The following GNA15 variants were observed in gnomAD, a reference collection of about 807,000 sequenced individuals.
GNA15 encodes guanine nucleotide-binding protein subunit alpha-15.
Under a neutral mutation model 40.1 loss-of-function variants are expected in GNA15, and 23 were observed. The ratio of observed to expected loss-of-function variants is 0.57; its 90% CI spans 0.41 to 0.81. GNA15 has a LOEUF of 0.81. Ranked by LOEUF, GNA15 falls within the 40% of genes least tolerant of loss-of-function variation. GNA15 has a pLI of 0.00. For missense variants in GNA15, 522 were observed against 515.8 expected (o/e 1.01, Z -0.12); for synonymous variants, 226 against 210.4 (o/e 1.07, Z -0.64).
chr19:3,146,123 G>C (rs1338226724), intron 1 of GNA15, among the ~76,000 whole-genome samples: 1 of 152,082 alleles, frequency 6.6e-6, no homozygotes, highest in African/African-American at 2.4e-5. Flanking sequence ...GCTGCCGCTT[G>C]CTCGATCAAG....
rs1315852699 is a variant in GNA15, at chr19:3,148,722, A to G, written c.277A>G (p.Met93Val). Residue 93 changes from methionine to valine, a missense_variant, in exon 2 of 7, where the codon ATG becomes GTG. Transcript: ENST00000262958. Reference sequence around the variant, plus strand: ...GAACATCTTCGTGTCCATGCGGGCCATGATCGAGGCCATGGAGCGGCTGCA... The same window carrying G: ...GAACATCTTCGTGTCCATGCGGGCCGTGATCGAGGCCATGGAGCGGCTGCA... ...YQNIFVSMRAMIEAMERLQIP... is the reference protein window; with the variant it reads ...YQNIFVSMRAVIEAMERLQIP... 6.2e-7 allele frequency: 1 copy of G among 1,604,076 alleles called. No homozygotes were observed. The highest frequency in any genetic ancestry group is 1.3e-5 in the African/African-American group (1 of 74,886).
intron 1 of GNA15, among the ~76,000 whole-genome samples, chr19:3,138,232 C>T (rs1914495610): frequency 1.3e-5 from 2 of 152,276 alleles, no homozygotes; most frequent in South Asian, 4.1e-4. Flanking sequence ...CACTATTGCA[C>T]CCCAGCCTGG....
At position 3,148,647 on chromosome 19, in the gene GNA15, G is replaced by A. The variant is rs148867971; in HGVS notation, c.202G>A (p.Ala68Thr). The change falls in exon 2 of 7, where the codon GCC becomes ACC. Residue 68 changes from alanine to threonine, a missense_variant. By Grantham distance (58) the Ala-to-Thr change is moderately conservative. Coordinates refer to ENST00000262958, the MANE Select transcript of GNA15 (RefSeq NM_002068.4). ...FIKQMRIIHG[A>T]GYSEEERKGF... Reference sequence around the variant, plus strand: ...CAAGCAGATGCGGATCATCCACGGCGCCGGCTACTCGGAGGAGGAGCGCAA... The same window carrying A: ...CAAGCAGATGCGGATCATCCACGGCACCGGCTACTCGGAGGAGGAGCGCAA... 2.5e-4 allele frequency: 404 copies of A among 1,589,146 alleles called. No homozygotes were observed. The highest frequency in any genetic ancestry group is 3.0e-4 in the Non-Finnish European group (349 of 1,167,664).
chr19:3,136,729 T>A lies in GNA15; in HGVS notation c.145+134T>A. 1.3e-6 allele frequency: 1 copy of A among 790,738 alleles called. No individual in the cohort carries two copies. Among genetic ancestry groups the A allele is most frequent in the Admixed American group, 2.8e-5 (1 of 36,136 alleles). The allele number at this position is 790,738 out of a possible 1,614,324, so 49.0% of individuals were successfully genotyped here. On this transcript the variant is annotated intron_variant, in intron 1 of 6. Coordinates refer to ENST00000262958, the MANE Select transcript of GNA15 (RefSeq NM_002068.4). This position sits in a 1 kb window ranked among gnomAD's most constrained non-coding sequence, Gnocchi z 4.9. ...GGAGCCGTCGCCTCCTCCCAGGGAA[T>A]GGGGAGCCTGGAACCCATTTTCCAG...
chr19:3,150,719 C>T (rs1025750602), intron 3 of GNA15, among the ~76,000 whole-genome samples: 12 of 151,894 alleles, frequency 7.9e-5, no homozygotes, highest in African/African-American at 2.7e-4. Context: ...TCAGGGGTGA[C>T]CCTGTTCCTG....
At chr19:3,148,917 C>G (rs1599324586) in intron 2 of GNA15, 142 bp downstream of exon 2, 1 of 762,184 alleles carries the variant, frequency 1.3e-6, no homozygotes, top group Non-Finnish European at 2.1e-6. Flanking sequence ...TCCCCAGACC[C>G]TGGGGCAAGG....
rs1599333147 is a variant in GNA15, at chr19:3,163,194, G to A, written c.*175G>A. On this transcript the variant is annotated 3_prime_UTR_variant, in exon 7 of 7. Coordinates refer to ENST00000262958, the MANE Select transcript of GNA15 (RefSeq NM_002068.4). ...TTCTCTGCCTCTCACCAGGACAGCCGCCCCCCAGGGTACTCCTGCCCTTGC... is the reference window on the plus strand; with the variant it reads ...TTCTCTGCCTCTCACCAGGACAGCCACCCCCCAGGGTACTCCTGCCCTTGC... 3.3e-6 allele frequency: 2 copies of A among 602,362 alleles called. No homozygotes were observed. The highest frequency in any genetic ancestry group is 5.9e-6 in the Non-Finnish European group (2 of 336,914). 37.3% of individuals were successfully genotyped at this position (602,362 alleles called of 1,614,324 possible).
intron 4 of GNA15, among the ~76,000 whole-genome samples, chr19:3,154,263 ATGGATGAATGGG>A (rs1380379058): frequency 6.8e-6 from 1 of 147,980 alleles, no homozygotes; most frequent in Non-Finnish European, 1.5e-5. Flanking sequence ...TGATGGATGG[ATGGATGAATGGG>A]TGGATGGATG....
intron 3 of GNA15, 131 bp downstream of exon 3, chr19:3,150,416 G>C: frequency 1.3e-6 from 1 of 784,618 alleles, no homozygotes; most frequent in Non-Finnish European, 2.0e-6. Context: ...TCCAGGATGA[G>C]GTCCTTCCAG....
chr19:3,146,126 C>G (rs147200506), intron 1 of GNA15, among the ~76,000 whole-genome samples: 7 of 152,106 alleles, frequency 4.6e-5, no homozygotes, highest in Non-Finnish European at 1.0e-4. Flanking sequence ...GCCGCTTGCT[C>G]GATCAAGTCC....
At position 3,140,048 on chromosome 19, in the gene GNA15, T is replaced by A. The variant is rs970391497; in HGVS notation, c.145+3453T>A. Among the ~76,000 whole-genome samples the A allele has an allele frequency of 6.7e-4, 92 of 136,878 alleles. 1 individual carries two copies. Among genetic ancestry groups the A allele is most frequent in the Non-Finnish European group, 8.1e-4 (50 of 61,354 alleles). The allele number at this position is 136,878 out of a possible 152,430, so 89.8% of individuals were successfully genotyped here. A position where few individuals can be genotyped will look rare whatever the true frequency, so the allele number is the denominator to read the frequency against. ...AACTCCATCTCAAAAAAAAAAAATCTATCTATCTATCTATCTATCTATCTA... is the reference window on the plus strand; with the variant it reads ...AACTCCATCTCAAAAAAAAAAAATCAATCTATCTATCTATCTATCTATCTA... On this transcript the variant is annotated intron_variant, in intron 1 of 6. Coordinates refer to ENST00000262958, the MANE Select transcript of GNA15 (RefSeq NM_002068.4).
chr19:3,152,691 A>T (rs1032495737), intron 4 of GNA15, among the ~76,000 whole-genome samples: 3 of 152,114 alleles, frequency 2.0e-5, no homozygotes, highest in Admixed American at 2.0e-4. Flanking sequence ...CCTTAGCAAG[A>T]TCTGTTTCCA....
chr19:3,136,681 G>C lies in GNA15; in HGVS notation c.145+86G>C, dbSNP rs1216591880. 3.1e-6 allele frequency: 4 copies of C among 1,283,424 alleles called. No homozygotes were observed. Among genetic ancestry groups the C allele is most frequent in the African/African-American group, 3.0e-5 (2 of 67,114 alleles). 79.5% of individuals were successfully genotyped at this position (1,283,424 alleles called of 1,614,324 possible). On this transcript the variant is annotated intron_variant, in intron 1 of 6. Transcript: ENST00000262958. The surrounding 1 kb of genome is among the most constrained non-coding windows in gnomAD (Gnocchi z 4.9). ...GTGTCGGGGCAAGGAGGCGGATCAG[G>C]CTAGGTCAGACATTGGCATCGTGGA...
intron 1 of GNA15, among the ~76,000 whole-genome samples, chr19:3,145,991 G>A (rs567322278): frequency 2.6e-5 from 4 of 152,246 alleles, no homozygotes; most frequent in South Asian, 4.1e-4. Flanking sequence ...AGTTGGAGGC[G>A]TTGGAGACAG....
intron 4 of GNA15, among the ~76,000 whole-genome samples, chr19:3,153,466 GTGGATGGATGGA>G (rs200916319): frequency 6.6e-6 from 1 of 151,416 alleles, no homozygotes; most frequent in Admixed American, 6.6e-5. Context: ...AGAGGGATGA[GTGGATGGATGGA>G]TGGATGGATG....
chr19:3,156,986 A>G (rs1366477712), intron 5 of GNA15, among the ~76,000 whole-genome samples: 1 of 151,704 alleles, frequency 6.6e-6, no homozygotes, highest in African/African-American at 2.4e-5. Flanking sequence ...AACACAAGGC[A>G]TTTGAGACCT....
chr19:3,146,217 G>A (rs929822475), intron 1 of GNA15, among the ~76,000 whole-genome samples: 1 of 152,116 alleles, frequency 6.6e-6, no homozygotes, highest in African/African-American at 2.4e-5. Context: ...CCCATCGCTG[G>A]TTGGGGCCCA....
At chr19:3,153,885 G>A (rs1914940134) in intron 4 of GNA15, among the ~76,000 whole-genome samples, 2 of 151,150 alleles carry the variant, frequency 1.3e-5, no homozygotes, top group South Asian at 4.2e-4. Context: ...GAATGGATGA[G>A]TGGATGGGGG....
rs553546325 is a variant in GNA15, at chr19:3,158,111, C to T, written c.898+230C>T. On this transcript the variant is annotated intron_variant, in intron 6 of 6. Coordinates refer to ENST00000262958, the MANE Select transcript of GNA15 (RefSeq NM_002068.4). ...TTGGAACTGAGTAAAGTGAGGAATT[C>T]TAAAAACACGTAGCATATCACGTAC... 6.6e-5 allele frequency among the ~76,000 whole-genome samples: 10 copies of T among 152,244 alleles called. No individual in the cohort carries two copies. The South Asian group carries it at 1.2e-3, about 19-fold the overall frequency.
Sources: gnomAD v4.1 joint callset for allele counts (sites outside exome capture counted in the v4.1 genomes callset) on GRCh38, gnomAD v4.1.1 for gene constraint, Gnocchi (gnomAD v3.1) non-coding constraint, MANE v1.5 for transcripts, NCBI Gene and HGNC (gene_info 2026-07-23, HGNC 2026-07-21) for gene names.